EFCAB7: variants seen among roughly 807,000 people sequenced by gnomAD.
EFCAB7 encodes EF-hand calcium binding domain 7, also known as EF-hand calcium-binding domain-containing protein 7.
A neutral mutation model predicts 77.1 loss-of-function variants in EFCAB7; 66 were observed. The ratio of observed to expected loss-of-function variants is 0.86; its 90% CI spans 0.70 to 1.05. The LOEUF is 1.05. EFCAB7 is among the 50% of genes least tolerant of loss of function. The pLI, the probability that EFCAB7 is intolerant of heterozygous loss-of-function variation, is 0.00. For synonymous variants in EFCAB7, 225 were observed against 243.3 expected, an observed-to-expected ratio of 0.92 and a Z score of 0.70; for missense variants, 638 against 730.5, an observed-to-expected ratio of 0.87 and a Z score of 1.46.
chr1:63,544,041 C>T (rs1182561364), intron 6 of EFCAB7, among the ~76,000 whole-genome samples: 4 of 147,912 alleles, frequency 2.7e-5, no homozygotes, highest in African/African-American at 1.0e-4. Flanking sequence ...ATGATCATGG[C>T]TCACTGCAAC....
At chr1:63,574,629 C>G (rs371711797), downstream of EFCAB7, among the ~76,000 whole-genome samples, 217 of 152,284 alleles carry the variant, frequency 1.4e-3, no homozygotes, top group African/African-American at 5.2e-3. Flanking sequence ...GCGATGGGAT[C>G]TGATGCCTTT....
At chr1:63,579,256 C>A in the EFCAB7 span, among the ~76,000 whole-genome samples, 5 of 152,190 alleles carry the variant, frequency 3.3e-5, no homozygotes, top group Non-Finnish European at 7.3e-5. Flanking sequence ...CCCTGGAAAC[C>A]ACTATTCTAT....
chr1:63,552,060 T>G (rs2100905598), intron 8 of EFCAB7, among the ~76,000 whole-genome samples: 1 of 152,012 alleles, frequency 6.6e-6, no homozygotes, highest in South Asian at 2.1e-4. Flanking sequence ...TCTTAAGAAT[T>G]AAGGATGGGA....
chr1:63,568,415 T>C lies in EFCAB7; in HGVS notation c.1603T>C (p.Ser535Pro), dbSNP rs149252955. The C allele has an allele frequency of 4.3e-4, 685 of 1,584,322 alleles. No individual in the cohort carries two copies. The highest frequency in any genetic ancestry group is 5.4e-4 in the Non-Finnish European group (636 of 1,168,294). ...SGQLEKAICK[S>P]VLSNGDAKVM... ...ACAACTTGAGAAGGCCATTTGTAAA[T>C]CTGTTCTTAGCAACGGTGATGCCAA... The change falls in exon 12 of 14, where the codon TCT becomes CCT. Residue 535 changes from serine (S) to proline (P), a missense_variant. Physicochemically the swap from Ser to Pro is moderately conservative, Grantham distance 74. Transcript: ENST00000371088.
chr1:63,530,395 T>C (rs544006741), intron 2 of EFCAB7, among the ~76,000 whole-genome samples: 1 of 152,358 alleles, frequency 6.6e-6, no homozygotes, highest in South Asian at 2.1e-4. Flanking sequence ...AAAATTATGT[T>C]AATTCCTTCT....
At chr1:63,566,916 T>C (rs930937463) in intron 11 of EFCAB7, among the ~76,000 whole-genome samples, 2 of 150,462 alleles carry the variant, frequency 1.3e-5, no homozygotes, top group African/African-American at 4.8e-5. Flanking sequence ...AAAATATTTT[T>C]TAAAACACAA....
At chr1:63,574,040 G>C (rs1331433090), downstream of EFCAB7, among the ~76,000 whole-genome samples, 1 of 152,154 alleles carries the variant, frequency 6.6e-6, no homozygotes, top group Non-Finnish European at 1.5e-5. Flanking sequence ...CTTAGACCCT[G>C]TGGGAAAGGC....
At chr1:63,583,497 C>T in the EFCAB7 span, among the ~76,000 whole-genome samples, 8 of 152,238 alleles carry the variant, frequency 5.3e-5, no homozygotes, top group East Asian at 3.9e-4. Context: ...CCTGGCCACA[C>T]GGAACCCCAT....
At chr1:63,561,213 A>T (rs887144145) in intron 10 of EFCAB7, among the ~76,000 whole-genome samples, 6 of 152,220 alleles carry the variant, frequency 3.9e-5, no homozygotes, top group Non-Finnish European at 1.5e-5. Flanking sequence ...TTTAGCTAAA[A>T]TTAGAGGAAT....
intron 7 of EFCAB7, chr1:63,548,758 T>C (rs761441232): frequency 3.3e-5 from 5 of 152,474 alleles, no homozygotes; most frequent in Non-Finnish European, 7.3e-5. Flanking sequence ...AGAAAAGTTA[T>C]GATTTTGTAG....
intron 6 of EFCAB7, among the ~76,000 whole-genome samples, chr1:63,538,217 A>G (rs1277550417): frequency 6.6e-6 from 1 of 152,174 alleles, no homozygotes; most frequent in Admixed American, 6.5e-5. Flanking sequence ...AAATTATATC[A>G]TACATGGAAT....
chr1:63,580,732 TGTAG>T, the EFCAB7 span, among the ~76,000 whole-genome samples: 3 of 152,326 alleles, frequency 2.0e-5, no homozygotes, highest in East Asian at 3.9e-4. Flanking sequence ...TCTCCACTTA[TGTAG>T]GTTTTATTTC....
In EFCAB7 at chr1:63,571,016, A is replaced by G. The variant is rs745605993; in HGVS notation, c.1708-5A>G. On this transcript the variant is annotated splice_polypyrimidine_tract_variant and splice_region_variant and intron_variant, in intron 12 of 13. Transcript: ENST00000371088. Reference sequence around the variant, plus strand: ...ATAGCAGCTTATGAAATCTTTTTTTAATAGTCAGATGAGAAAGTGATTATT... The same window carrying G: ...ATAGCAGCTTATGAAATCTTTTTTTGATAGTCAGATGAGAAAGTGATTATT... The G allele has an allele frequency of 4.4e-6, 7 of 1,583,390 alleles. No individual in the cohort carries two copies. Among genetic ancestry groups the G allele is most frequent in the Admixed American group, 3.7e-5 (2 of 54,788 alleles).
chr1:63,561,673 A>T, intron 10 of EFCAB7, 36 bp from the exon 11 acceptor site: 1 of 1,414,048 alleles, frequency 7.1e-7, no homozygotes, highest in Non-Finnish European at 9.6e-7. Flanking sequence ...TGAATTTTTA[A>T]ATTATGTAAG....
At chr1:63,568,242 G>A in intron 11 of EFCAB7, 68 bp from the exon 12 acceptor site, 1 of 1,333,832 alleles carries the variant, frequency 7.5e-7, no homozygotes, top group Non-Finnish European at 1.0e-6. Context: ...CTTCTTATAT[G>A]GTAACATATT....
At chr1:63,537,745 C>CA (rs1337604818) in intron 6 of EFCAB7, among the ~76,000 whole-genome samples, 1 of 152,160 alleles carries the variant, frequency 6.6e-6, no homozygotes, top group Non-Finnish European at 1.5e-5. Flanking sequence ...CCTGTCTTAT[C>CA]ATACCCCAAA....
At chr1:63,534,308 A>G in intron 6 of EFCAB7, 92 bp downstream of exon 6, 1 of 1,092,818 alleles carries the variant, frequency 9.2e-7, no homozygotes, top group East Asian at 2.6e-5. Flanking sequence ...GGGAACCAGT[A>G]AAGTTTATGA....
chr1:63,533,694 G>C (rs1646729005), intron 5 of EFCAB7, 45 bp downstream of exon 5: 1 of 1,370,918 alleles, frequency 7.3e-7, no homozygotes, highest in African/African-American at 1.5e-5. Flanking sequence ...GAAATGAAGA[G>C]TCATATTCAG....
chr1:63,560,267 T>A (rs957856426), intron 10 of EFCAB7, among the ~76,000 whole-genome samples: 1 of 152,054 alleles, frequency 6.6e-6, no homozygotes, highest in Non-Finnish European at 1.5e-5. Context: ...GTTAATTTTT[T>A]AAAAATTAAT....
Sources: allele counts gnomAD v4.1 joint callset (sites outside exome capture counted in the v4.1 genomes callset), GRCh38; gene constraint gnomAD v4.1.1; transcripts MANE v1.5; gene names NCBI Gene and HGNC (gene_info 2026-07-23, HGNC 2026-07-21).